Variants in FBXO24 observed in about 807,000 individuals in gnomAD.
FBXO24 encodes F-box only protein 24.
A neutral mutation model predicts 63.5 loss-of-function variants in FBXO24; 30 were observed. The ratio of observed to expected loss-of-function variants is 0.47; its 90% CI spans 0.35 to 0.64. FBXO24 has a LOEUF of 0.64. FBXO24 is among the 30% of genes least tolerant of loss of function. FBXO24 has a pLI of 0.00. For synonymous variants in FBXO24, 300 were observed against 305.0 expected, an observed-to-expected ratio of 0.98 and a Z score of 0.17; for missense variants, 624 against 763.4, an observed-to-expected ratio of 0.82 and a Z score of 2.15.
Position 100,600,265 on chromosome 7 carries a change from C to T in FBXO24, c.1377+64C>T. On this transcript the variant is annotated intron_variant, in intron 9 of 9. Transcript: ENST00000241071. This position sits in a 1 kb window ranked among gnomAD's most constrained non-coding sequence, Gnocchi z 6.3. ...TGAGAGCCATGAACCAGGAAGCCCACAGGCTGTAGCTGGGGCTCCTGCAGG... is the reference window on the plus strand; with the variant it reads ...TGAGAGCCATGAACCAGGAAGCCCATAGGCTGTAGCTGGGGCTCCTGCAGG... The T allele has an allele frequency of 1.4e-6, 2 of 1,455,590 alleles. No homozygotes were observed. The highest frequency in any genetic ancestry group is 1.8e-6 in the Non-Finnish European group (2 of 1,099,412). 90.2% of individuals were successfully genotyped at this position (1,455,590 alleles called of 1,614,324 possible). A position where few individuals can be genotyped will look rare whatever the true frequency, so the allele number is the denominator to read the frequency against.
chr7:100,586,783 G>A (rs542496023), intron 1 of FBXO24, 119 bp downstream of exon 1: 2 of 1,147,546 alleles, frequency 1.7e-6, no homozygotes, highest in South Asian at 2.5e-5. Flanking sequence ...GCTAGCCGGC[G>A]TCCAGGGCTT....
rs1802528584 is a variant in FBXO24 at position 100,600,291 on chromosome 7, G to T, written c.1377+90G>T. On this transcript the variant is annotated intron_variant, in intron 9 of 9. Coordinates refer to ENST00000241071, the MANE Select transcript of FBXO24 (RefSeq NM_033506.3). This position sits in a 1 kb window ranked among gnomAD's most constrained non-coding sequence, Gnocchi z 6.3. ...AGGCTGTAGCTGGGGCTCCTGCAGG[G>T]ACCCAGGGGGTCCCATTTCCCTAGC... 7.0e-7 allele frequency: 1 copy of T among 1,428,660 alleles called. No individual in the cohort carries two copies. The highest frequency in any genetic ancestry group is 1.5e-5 in the South Asian group (1 of 66,922). The allele number at this position is 1,428,660 out of a possible 1,614,324, so 88.5% of individuals were successfully genotyped here. A position where few individuals can be genotyped will look rare whatever the true frequency, so the allele number is the denominator to read the frequency against.
rs560060779 is a variant in FBXO24, at chr7:100,594,288, A to C, written c.794-95A>C. The C allele has an allele frequency of 6.5e-5, 91 of 1,399,580 alleles. 1 individual carries two copies. The South Asian group carries it at 9.3e-4, about 14-fold the overall frequency. 86.7% of individuals were successfully genotyped at this position (1,399,580 alleles called of 1,614,324 possible). ...TTTCTCAGCCCCACTCTAGGGCAGT[A>C]AATGTGTCACCCATATGGCCTAGGG... On this transcript the variant is annotated intron_variant, in intron 5 of 9. Coordinates refer to ENST00000241071, the MANE Select transcript of FBXO24 (RefSeq NM_033506.3). The surrounding 1 kb of genome is among the most constrained non-coding windows in gnomAD (Gnocchi z 4.2).
chr7:100,595,487 A>G, intron 7 of FBXO24, 88 bp from the exon 8 acceptor site: 8 of 1,433,434 alleles, frequency 5.6e-6, no homozygotes, highest in South Asian at 1.4e-5. Flanking sequence ...TCAGCTGGGG[A>G]TGGCAGGTTA....
intron 8 of FBXO24, among the ~76,000 whole-genome samples, chr7:100,596,134 C>T (rs751868386): frequency 1.3e-5 from 2 of 152,142 alleles, no homozygotes; most frequent in Non-Finnish European, 2.9e-5. Flanking sequence ...AAAAAATTAG[C>T]TGGCTGTGGT....
At chr7:100,597,375 A>C (rs1280609158) in intron 8 of FBXO24, among the ~76,000 whole-genome samples, 2 of 152,152 alleles carry the variant, frequency 1.3e-5, no homozygotes, top group Non-Finnish European at 2.9e-5. Flanking sequence ...AATGGTTTAC[A>C]TAGTACCATT....
intron 5 of FBXO24, among the ~76,000 whole-genome samples, chr7:100,593,797 CAA>C (rs900435798): frequency 1.8e-4 from 10 of 56,584 alleles, no homozygotes; most frequent in African/African-American, 3.7e-4. Flanking sequence ...ACTCCATCTC[CAA>C]AAAAAAAAAA....
intron 8 of FBXO24, among the ~76,000 whole-genome samples, chr7:100,597,893 GTTTTTTTTT>G (rs556578958): frequency 7.4e-6 from 1 of 134,830 alleles, no homozygotes; most frequent in Admixed American, 7.5e-5. Flanking sequence ...TGTTTTTTTT[GTTTTTTTTT>G]TTTTTAGAGA....
chr7:100,596,676 G>A (rs192303046), intron 8 of FBXO24, among the ~76,000 whole-genome samples: 1 of 152,186 alleles, frequency 6.6e-6, no homozygotes, highest in Non-Finnish European at 1.5e-5. Context: ...GGAAGGAATG[G>A]ATACAGGAGC....
chr7:100,590,465 G>T (rs562294535), intron 3 of FBXO24, 108 bp downstream of exon 3: 2 of 1,182,562 alleles, frequency 1.7e-6, no homozygotes, highest in East Asian at 2.5e-5. Context: ...TGCTTCCAGG[G>T]CCCCTTTCTC....
Position 100,601,016 on chromosome 7 carries a change from G to A in FBXO24, c.*117G>A. On this transcript the variant is annotated 3_prime_UTR_variant, in exon 10 of 10. Coordinates refer to ENST00000241071, the MANE Select transcript of FBXO24 (RefSeq NM_033506.3). ...AAGGGGTTGCTAGGGGGTGGGGACG[G>A]CTAACCAGGGTAAGAATGTTCAGGG... The A allele has an allele frequency of 7.0e-7, 1 of 1,425,402 alleles. No individual in the cohort carries two copies. 88.3% of individuals were successfully genotyped at this position (1,425,402 alleles called of 1,614,324 possible).
intron 8 of FBXO24, among the ~76,000 whole-genome samples, chr7:100,597,831 A>G (rs1049674011): frequency 6.6e-6 from 1 of 151,632 alleles, no homozygotes; most frequent in Non-Finnish European, 1.5e-5. Flanking sequence ...CCTCCCAAGC[A>G]GCTAGGACTA....
At chr7:100,591,459 C>T (rs1279291405) in intron 3 of FBXO24, among the ~76,000 whole-genome samples, 1 of 152,148 alleles carries the variant, frequency 6.6e-6, no homozygotes, top group South Asian at 2.1e-4. Flanking sequence ...TGACCCTGGG[C>T]TGAGGTGGGG....
intron 3 of FBXO24, among the ~76,000 whole-genome samples, 188 bp downstream of exon 3, chr7:100,590,545 A>T (rs956065369): frequency 1.3e-5 from 2 of 152,108 alleles, no homozygotes; most frequent in Non-Finnish European, 2.9e-5. Context: ...ATCCACCCAC[A>T]GCCCCCGTTA....
chr7:100,590,946 A>G (rs535594902), intron 3 of FBXO24, among the ~76,000 whole-genome samples: 1 of 151,770 alleles, frequency 6.6e-6, no homozygotes, highest in South Asian at 2.1e-4. Context: ...ATCCAAAGCT[A>G]GGGGTGAGGG....
At chr7:100,593,626 C>CCA (rs1802141681) in intron 5 of FBXO24, among the ~76,000 whole-genome samples, 1 of 58,996 alleles carries the variant, frequency 1.7e-5, no homozygotes, top group Non-Finnish European at 3.5e-5. Flanking sequence ...GACTCCGTCT[C>CCA]AAAAAAAAAA....
intron 8 of FBXO24, among the ~76,000 whole-genome samples, chr7:100,596,900 G>C (rs1354001868): frequency 6.6e-6 from 1 of 152,098 alleles, no homozygotes; most frequent in Admixed American, 6.6e-5. Flanking sequence ...AAATTAGCCA[G>C]GTGTGGTGGT....
chr7:100,592,709 C>A, intron 4 of FBXO24, 74 bp from the exon 5 acceptor site: 1 of 1,196,736 alleles, frequency 8.4e-7, no homozygotes, highest in Non-Finnish European at 1.2e-6. Flanking sequence ...CACTTCCCAC[C>A]CCAGGATCCA....
Position 100,590,045 on chromosome 7 carries a change from G to A in FBXO24, c.108G>A (p.Pro36=), listed in dbSNP as rs747294802. 3.1e-6 allele frequency: 5 copies of A among 1,613,636 alleles called. No individual in the cohort carries two copies. The highest frequency in any genetic ancestry group is 4.2e-6 in the Non-Finnish European group (5 of 1,179,854). Residue 36 remains proline (P), a synonymous_variant, in exon 2 of 10, where the codon CCG becomes CCA. Coordinates refer to ENST00000241071, the MANE Select transcript of FBXO24 (RefSeq NM_033506.3). ...AAGAGAAGAGGGGGAAAGGAAATCC[G>A]ATTTCCATCCAGTTGTTCCCCCCAG... ...GVEEKRGKGN[P]ISIQLFPPEL... is the part of the protein sequence containing the mutation.
Sources: allele counts gnomAD v4.1 joint callset (sites outside exome capture counted in the v4.1 genomes callset), GRCh38; gene constraint gnomAD v4.1.1; non-coding constraint Gnocchi (gnomAD v3.1); transcripts MANE v1.5; gene names NCBI Gene and HGNC (gene_info 2026-07-23, HGNC 2026-07-21).